KCNH5: variants seen among roughly 807,000 people sequenced by gnomAD.
KCNH5 encodes voltage-gated delayed rectifier potassium channel KCNH5.
A neutral mutation model predicts 96.1 loss-of-function variants in KCNH5; 46 were observed. The ratio of observed to expected loss-of-function variants is 0.48; its 90% CI spans 0.38 to 0.61. The LOEUF (loss-of-function observed/expected upper bound fraction) is 0.61. Among genes scored for constraint, KCNH5 ranks in the 20% least tolerant of loss-of-function variants. KCNH5 has a pLI of 0.00. For synonymous variants in KCNH5, 439 were observed against 449.8 expected (o/e 0.98, Z 0.30); for missense variants, 907 against 1,225.8 (o/e 0.74, Z 3.88).
chr14:62,986,204 G>T (rs529121060), intron 5 of KCNH5, among the ~76,000 whole-genome samples: 1 of 152,180 alleles, frequency 6.6e-6, no homozygotes, highest in Non-Finnish European at 1.5e-5. Context: ...TTTGTGCCTT[G>T]GATCCCTATG....
In KCNH5 at chr14:62,815,616, C is replaced by T. The variant is rs141570611; in HGVS notation, c.1570-13035G>A. On this transcript the variant is annotated intron_variant, in intron 8 of 10. Transcript: ENST00000322893. ...TCACACTGTATACCTTAAATATATGCAATTTTTGTTTGTAAATTATACCTC... is the reference window on the plus strand; with the variant it reads ...TCACACTGTATACCTTAAATATATGTAATTTTTGTTTGTAAATTATACCTC... Among the ~76,000 whole-genome samples the T allele has an allele frequency of 5.0e-3, 765 of 151,904 alleles. 4 individuals carry two copies. The highest frequency in any genetic ancestry group is 0.018 in the African/African-American group (736 of 41,470).
At chr14:63,006,056 G>A (rs1044721813) in intron 3 of KCNH5, among the ~76,000 whole-genome samples, 2 of 152,126 alleles carry the variant, frequency 1.3e-5, no homozygotes, top group African/African-American at 2.4e-5. Flanking sequence ...ACATGTATCT[G>A]TCAATTTTAA....
At chr14:62,837,581 C>T (rs1887489142) in intron 8 of KCNH5, among the ~76,000 whole-genome samples, 2 of 152,054 alleles carry the variant, frequency 1.3e-5, no homozygotes, top group African/African-American at 2.4e-5. Flanking sequence ...TAACAGAAAA[C>T]TTAAATGATG....
At chr14:62,943,111 G>T in intron 7 of KCNH5, among the ~76,000 whole-genome samples, 1 of 152,134 alleles carries the variant, frequency 6.6e-6, no homozygotes, top group East Asian at 1.9e-4. Context: ...TTATGGCAAA[G>T]AGTTATTCAA....
chr14:62,745,000 T>C (rs759796715), intron 10 of KCNH5, among the ~76,000 whole-genome samples: 9 of 151,990 alleles, frequency 5.9e-5, no homozygotes, highest in Non-Finnish European at 1.3e-4. Flanking sequence ...CCAGGGAGAT[T>C]ATAAAGGGTA....
intron 9 of KCNH5, among the ~76,000 whole-genome samples, chr14:62,783,155 A>G (rs186015243): frequency 4.7e-4 from 71 of 152,326 alleles, no homozygotes; most frequent in African/African-American, 1.5e-3. Context: ...AACTATACAT[A>G]CAGCATAATC....
intron 7 of KCNH5, chr14:62,949,758 T>C (rs372804752): frequency 3.6e-4 from 67 of 187,202 alleles, no homozygotes; most frequent in African/African-American, 1.6e-3. Context: ...CAGTATTAAC[T>C]AGAATATTTA....
chr14:62,895,980 G>A (rs1038475996), intron 7 of KCNH5, among the ~76,000 whole-genome samples: 4 of 152,130 alleles, frequency 2.6e-5, no homozygotes, highest in Non-Finnish European at 4.4e-5. Context: ...AATTAAGGGT[G>A]GGGGACTATA....
chr14:62,712,209 T>A (rs9943987), intron 10 of KCNH5: 183 of 120,818 alleles, frequency 1.5e-3, no homozygotes, highest in African/African-American at 4.2e-3. Flanking sequence ...TAGTTTTTTT[T>A]AAAAAAAATA....
chr14:63,027,516 T>G (rs1891546361), intron 1 of KCNH5, among the ~76,000 whole-genome samples: 2 of 151,802 alleles, frequency 1.3e-5, no homozygotes, highest in Non-Finnish European at 2.9e-5. Flanking sequence ...TATGTCTGAT[T>G]GACTATGTGA....
intron 7 of KCNH5, among the ~76,000 whole-genome samples, chr14:62,932,547 G>T (rs1220062330): frequency 6.7e-6 from 1 of 149,024 alleles, no homozygotes; most frequent in Non-Finnish European, 1.5e-5. Flanking sequence ...TCAAGAAAGG[G>T]AAAAAGATAA....
intron 7 of KCNH5, among the ~76,000 whole-genome samples, chr14:62,893,994 C>T (rs1237988768): frequency 1.3e-5 from 2 of 152,170 alleles, no homozygotes; most frequent in African/African-American, 4.8e-5. Flanking sequence ...GAGGCAAGAT[C>T]TTCCACCCGC....
At chr14:62,813,431 T>C (rs1406775671) in intron 8 of KCNH5, among the ~76,000 whole-genome samples, 1 of 152,168 alleles carries the variant, frequency 6.6e-6, no homozygotes, top group African/African-American at 2.4e-5. Context: ...AATTTCACTT[T>C]AAGTGCCTGA....
intron 10 of KCNH5, among the ~76,000 whole-genome samples, chr14:62,757,888 G>A (rs1336484078): frequency 6.6e-6 from 1 of 152,136 alleles, no homozygotes; most frequent in Non-Finnish European, 1.5e-5. Flanking sequence ...GCTCACATCT[G>A]TAATCCCAGC....
rs373517506 is a variant in KCNH5 at position 63,039,651 on chromosome 14, C to T, written c.73+5463G>A. Among the ~76,000 whole-genome samples the T allele has an allele frequency of 4.6e-4, 70 of 152,084 alleles. No individual in the cohort carries two copies. In the South Asian group the frequency reaches 0.014, roughly 30 times the overall value. ...AAAATTTTATCTGCTAAAGAAAATG[C>T]TCTATTAGTCTAAAATGTATTTAAA... On this transcript the variant is annotated intron_variant, in intron 1 of 10. Coordinates refer to ENST00000322893, the MANE Select transcript of KCNH5 (RefSeq NM_139318.5).
At chr14:62,727,772 T>C (rs1034751730) in intron 10 of KCNH5, among the ~76,000 whole-genome samples, 1 of 140,516 alleles carries the variant, frequency 7.1e-6, no homozygotes, top group Non-Finnish European at 1.5e-5. Context: ...GCTTACAGTC[T>C]GGTAAAAAAA....
intron 7 of KCNH5, among the ~76,000 whole-genome samples, chr14:62,871,957 T>A (rs1888264756): frequency 6.6e-6 from 1 of 152,248 alleles, no homozygotes; most frequent in African/African-American, 2.4e-5. Context: ...TCTGATCCCA[T>A]TAAATTCCTT....
intron 7 of KCNH5, among the ~76,000 whole-genome samples, chr14:62,910,630 G>A (rs1240257851): frequency 6.6e-6 from 1 of 152,062 alleles, no homozygotes; most frequent in Non-Finnish European, 1.5e-5. Flanking sequence ...TAAAATACCT[G>A]GGAATAAATC....
intron 4 of KCNH5, among the ~76,000 whole-genome samples, chr14:62,996,703 C>T (rs1399471785): frequency 1.3e-5 from 2 of 152,100 alleles, no homozygotes; most frequent in South Asian, 4.1e-4. Context: ...AAAATGTTGC[C>T]GACTTTGAGT....
Sources: gnomAD v4.1 joint callset for allele counts (sites outside exome capture counted in the v4.1 genomes callset) on GRCh38, gnomAD v4.1.1 for gene constraint, MANE v1.5 for transcripts, NCBI Gene and HGNC (gene_info 2026-07-23, HGNC 2026-07-21) for gene names.